TMOD1: variants seen among roughly 807,000 people sequenced by gnomAD.
TMOD1 encodes the protein tropomodulin-1.
TMOD1 carries 17 observed loss-of-function variants against 40.6 expected under a neutral mutation model. That is an observed-to-expected ratio of 0.42 (90% CI 0.29 to 0.63). The LOEUF (loss-of-function observed/expected upper bound fraction) is 0.63. Ranked by LOEUF, TMOD1 falls within the 20% of genes least tolerant of loss-of-function variation. The pLI is 0.22. For synonymous variants in TMOD1, 181 were observed against 175.0 expected (o/e 1.03, Z -0.27); for missense variants, 391 against 447.6 (o/e 0.87, Z 1.14).
intron 4 of TMOD1, among the ~76,000 whole-genome samples, chr9:97,560,717 CA>C (rs1430937478): frequency 6.7e-6 from 1 of 149,034 alleles, no homozygotes; most frequent in Non-Finnish European, 1.5e-5. Context: ...ATAAAAAATA[CA>C]AAAATTACAG....
chr9:97,555,264 CG>C (rs1320283865), intron 4 of TMOD1, among the ~76,000 whole-genome samples: 1 of 152,186 alleles, frequency 6.6e-6, no homozygotes, highest in African/African-American at 2.4e-5. Context: ...CCCTTGAGGT[CG>C]GGTTAATCTG....
chr9:97,551,244 G>A (rs1008396904), intron 3 of TMOD1, among the ~76,000 whole-genome samples: 9 of 151,952 alleles, frequency 5.9e-5, no homozygotes, highest in Admixed American at 3.3e-4. Context: ...GGCTGGTCTC[G>A]AACTCCTGAC....
intron 1 of TMOD1, among the ~76,000 whole-genome samples, chr9:97,518,283 A>G (rs1587916164): frequency 9.5e-6 from 1 of 105,012 alleles, no homozygotes; most frequent in Non-Finnish European, 2.2e-5. Flanking sequence ...CACTGCGAAG[A>G]AAAAAACAGG....
chr9:97,593,303 C>G (rs940013545), intron 9 of TMOD1, among the ~76,000 whole-genome samples: 2 of 152,174 alleles, frequency 1.3e-5, no homozygotes, highest in African/African-American at 4.8e-5. Context: ...TTTGAAAACT[C>G]TCCCAGTCCT....
In TMOD1 at chr9:97,591,404, A is replaced by G. The variant is rs1326690508; in HGVS notation, c.984A>G (p.Ala328=). Residue 328 remains alanine, a synonymous_variant, in exon 9 of 10, where the codon GCA becomes GCG. Coordinates refer to ENST00000259365, the MANE Select transcript of TMOD1 (RefSeq NM_003275.4). ...HFTQQGPRLR[A]SNAMMNNNDL... is the part of the protein sequence containing the mutation. Reference sequence around the variant, plus strand: ...CCCAGCAAGGACCCCGGCTTCGGGCATCCAACGCAATGATGAACAACAATG... The same window carrying G: ...CCCAGCAAGGACCCCGGCTTCGGGCGTCCAACGCAATGATGAACAACAATG... The G allele has an allele frequency of 1.9e-6, 3 of 1,614,246 alleles. No individual in the cohort carries two copies. Among genetic ancestry groups the G allele is most frequent in the East Asian group, 4.5e-5 (2 of 44,888 alleles).
intron 2 of TMOD1, among the ~76,000 whole-genome samples, chr9:97,529,975 G>A (rs187243712): frequency 2.4e-4 from 37 of 152,214 alleles, no homozygotes; most frequent in Non-Finnish European, 8.8e-5. Flanking sequence ...GAGGCTTAGA[G>A]ATATAAAGTA....
intron 8 of TMOD1, among the ~76,000 whole-genome samples, chr9:97,572,334 A>C (rs72751533): frequency 3.9e-4 from 60 of 152,156 alleles, no homozygotes; most frequent in Non-Finnish European, 6.8e-4. Context: ...GTTTAGGGAA[A>C]GTGGGCTGTG....
At chr9:97,581,818 C>T (rs1431571493) in intron 8 of TMOD1, among the ~76,000 whole-genome samples, 1 of 151,730 alleles carries the variant, frequency 6.6e-6, no homozygotes, top group East Asian at 2.0e-4. Flanking sequence ...TGTTCATGTC[C>T]TTCGCCCACT....
At chr9:97,575,858 G>C (rs1489129092) in intron 8 of TMOD1, among the ~76,000 whole-genome samples, 1 of 152,180 alleles carries the variant, frequency 6.6e-6, no homozygotes, top group Admixed American at 6.5e-5. Flanking sequence ...AAGGTGTGAG[G>C]ACACACAGCT....
At chr9:97,553,254 C>T (rs750363063) in intron 3 of TMOD1, 27 bp from the exon 4 acceptor site, 16 of 1,613,102 alleles carry the variant, frequency 9.9e-6, no homozygotes, top group South Asian at 4.4e-5. Flanking sequence ...CAGCCACTCC[C>T]GTAACAGGTC....
intron 8 of TMOD1, among the ~76,000 whole-genome samples, chr9:97,585,969 A>G (rs1174796683): frequency 4.7e-5 from 7 of 149,788 alleles, no homozygotes; most frequent in Non-Finnish European, 8.9e-5. Context: ...CGTAGCTCAG[A>G]GTAATTTGAT....
At chr9:97,512,230 G>C (rs548837465) in intron 1 of TMOD1, among the ~76,000 whole-genome samples, 1 of 152,330 alleles carries the variant, frequency 6.6e-6, no homozygotes, top group Non-Finnish European at 1.5e-5. Context: ...CCCACTACCT[G>C]CCCACCAGAA....
chr9:97,568,923 G>A lies in TMOD1; in HGVS notation c.756G>A (p.Lys252=), dbSNP rs1830775401. The part of the protein sequence containing the change: ...YALAEMLKEN[K]VLKTLNVESN... ...TTGCTGAGATGCTCAAGGAGAACAA[G>A]GTGTTGAAGACACTGAATGTGGAAT... Residue 252 remains lysine, a synonymous_variant, in exon 8 of 10, where the codon AAG becomes AAA. Transcript: ENST00000259365. The A allele has an allele frequency of 6.2e-7, 1 of 1,614,030 alleles. No individual in the cohort carries two copies. The highest frequency in any genetic ancestry group is 8.5e-7 in the Non-Finnish European group (1 of 1,180,030).
chr9:97,587,059 C>T (rs144767734), intron 8 of TMOD1, among the ~76,000 whole-genome samples: 2 of 152,358 alleles, frequency 1.3e-5, no homozygotes, highest in African/African-American at 4.8e-5. Flanking sequence ...TATGGAGATT[C>T]ATCCAAGTTG....
intron 3 of TMOD1, among the ~76,000 whole-genome samples, chr9:97,548,723 C>T (rs1294223236): frequency 6.6e-6 from 1 of 152,212 alleles, no homozygotes; most frequent in Non-Finnish European, 1.5e-5. Flanking sequence ...CATGAAAAAC[C>T]AGGCTGACCA....
chr9:97,516,704 G>A (rs1166110141), intron 1 of TMOD1: 1 of 152,296 alleles, frequency 6.6e-6, no homozygotes, highest in Admixed American at 6.5e-5. Flanking sequence ...ATCCAAGGAT[G>A]TTAAAGAGAC....
chr9:97,524,070 G>A (rs111584017), intron 1 of TMOD1, 71 bp from the exon 2 acceptor site: 21 of 1,188,464 alleles, frequency 1.8e-5, no homozygotes, highest in African/African-American at 9.1e-5. Context: ...CTGTGTGAAC[G>A]ATGAGCCTCC....
rs892093337 is a variant in TMOD1, at chr9:97,557,981, C to A, written c.397+4581C>A. On this transcript the variant is annotated intron_variant, in intron 4 of 9. Coordinates refer to ENST00000259365, the MANE Select transcript of TMOD1 (RefSeq NM_003275.4). The surrounding 1 kb of genome is among the most constrained non-coding windows in gnomAD (Gnocchi z 4.4). Reference sequence around the variant, plus strand: ...TGCCGTTTTCTCCCGTCACTCACTTCTGTTGACGTGGAGTGTGGCACAAAA... The same window carrying A: ...TGCCGTTTTCTCCCGTCACTCACTTATGTTGACGTGGAGTGTGGCACAAAA... Among the ~76,000 whole-genome samples, 2 of 152,152 alleles carry A rather than the reference C, an allele frequency of 1.3e-5. No individual in the cohort carries two copies. Among genetic ancestry groups the A allele is most frequent in the African/African-American group, 2.4e-5 (1 of 41,434 alleles).
chr9:97,590,054 GTTTTTTTTCT>G (rs1383368802), intron 8 of TMOD1, among the ~76,000 whole-genome samples: 1 of 150,776 alleles, frequency 6.6e-6, no homozygotes, highest in African/African-American at 2.4e-5. Context: ...TGTGACCAGG[GTTTTTTTTCT>G]TTTTTTTTCT....
Sources: allele counts gnomAD v4.1 joint callset (sites outside exome capture counted in the v4.1 genomes callset), GRCh38; gene constraint gnomAD v4.1.1; non-coding constraint Gnocchi (gnomAD v3.1); transcripts MANE v1.5; gene names NCBI Gene and HGNC (gene_info 2026-07-23, HGNC 2026-07-21).